Variants in PAWR observed in about 807,000 individuals in gnomAD.
PAWR encodes the protein PRKC apoptosis WT1 regulator protein.
Under a neutral mutation model 32.0 loss-of-function variants are expected in PAWR, and 23 were observed. The observed-to-expected ratio is 0.72, with a 90% CI of 0.52 to 1.02. The LOEUF (loss-of-function observed/expected upper bound fraction) is 1.02, where lower values mean the gene tolerates loss of function less well. Among genes scored for constraint, PAWR ranks in the 50% least tolerant of loss-of-function variants. The pLI is 0.00. For missense variants in PAWR, 457 were observed against 437.7 expected (o/e 1.04, Z -0.39); for synonymous variants, 226 against 187.1 (o/e 1.21, Z -1.70).
chr12:79,689,391 G>GCATAAA (rs1328383046), intron 2 of PAWR, among the ~76,000 whole-genome samples: 1 of 152,098 alleles, frequency 6.6e-6, no homozygotes, highest in Non-Finnish European at 1.5e-5. Flanking sequence ...AACTGATCAA[G>GCATAAA]CATAAACAGC....
intron 2 of PAWR, among the ~76,000 whole-genome samples, chr12:79,627,150 C>T (rs180957759): frequency 0.011 from 1,683 of 152,172 alleles, 41 homozygotes; most frequent in African/African-American, 0.038. Context: ...TTCTAGATCC[C>T]TGAGGAATCG....
In PAWR at chr12:79,589,448, CCA is replaced by C. The variant is rs1873482358; in HGVS notation, c.*3157_*3158del. On this transcript the variant is annotated 3_prime_UTR_variant, in exon 7 of 7. Coordinates refer to ENST00000328827, the MANE Select transcript of PAWR (RefSeq NM_002583.4). ...TCACCTTAAGAATACATTGCTTCTACCACAATTAAAAATTTTTTAAACTGAAG... is the reference window on the plus strand; with the variant it reads ...TCACCTTAAGAATACATTGCTTCTACCAATTAAAAATTTTTTAAACTGAAG... 6.6e-6 allele frequency: 1 copy of C among 151,920 alleles called. No individual in the cohort carries two copies. Among genetic ancestry groups the C allele is most frequent in the South Asian group, 2.1e-4 (1 of 4,830 alleles). 9.4% of individuals were successfully genotyped at this position (151,920 alleles called of 1,614,324 possible). A position where few individuals can be genotyped will look rare whatever the true frequency, so the allele number is the denominator to read the frequency against.
chr12:79,657,650 T>C (rs891769572), intron 2 of PAWR, among the ~76,000 whole-genome samples: 2 of 151,706 alleles, frequency 1.3e-5, no homozygotes, highest in Non-Finnish European at 2.9e-5. Flanking sequence ...AAAAATTAGC[T>C]GGGCGTGGTG....
intron 2 of PAWR, among the ~76,000 whole-genome samples, chr12:79,664,231 A>G (rs1042860493): frequency 6.6e-6 from 1 of 152,184 alleles, no homozygotes; most frequent in Non-Finnish European, 1.5e-5. Context: ...CTAGACCCCA[A>G]CTTTTTTTTA....
intron 2 of PAWR, among the ~76,000 whole-genome samples, chr12:79,637,915 G>T (rs1051664064): frequency 6.6e-6 from 1 of 151,976 alleles, no homozygotes; most frequent in Admixed American, 6.6e-5. Context: ...AAATAGTTGT[G>T]GATATCCCAT....
At chr12:79,643,004 G>A (rs1305544987) in intron 2 of PAWR, among the ~76,000 whole-genome samples, 2 of 152,128 alleles carry the variant, frequency 1.3e-5, no homozygotes, top group African/African-American at 4.8e-5. Flanking sequence ...GCTTAAGACA[G>A]TGTCCTTATT....
chr12:79,610,585 G>A (rs1315867122), intron 4 of PAWR, among the ~76,000 whole-genome samples: 1 of 151,876 alleles, frequency 6.6e-6, no homozygotes, highest in Non-Finnish European at 1.5e-5. Flanking sequence ...ATTATTTAGA[G>A]AACTCAAAAG....
rs542799997 is a variant in PAWR at position 79,625,874 on chromosome 12, G to C, written c.517-4667C>G. Among the ~76,000 whole-genome samples, 32 of 151,334 alleles carry C rather than the reference G, an allele frequency of 2.1e-4. No homozygotes were observed. In the East Asian group the frequency reaches 6.1e-3, roughly 29 times the overall value. ...GGGTGGAAGCAGATTATACACAAAAGTATATAAGAAATATAAAGTATGGGC... is the reference window on the plus strand; with the variant it reads ...GGGTGGAAGCAGATTATACACAAAACTATATAAGAAATATAAAGTATGGGC... On this transcript the variant is annotated intron_variant, in intron 2 of 6. Transcript: ENST00000328827.
Position 79,632,361 on chromosome 12 carries a change from A to ATTTTTTTTTT in PAWR, c.517-11164_517-11155dup, listed in dbSNP as rs755937992. On this transcript the variant is annotated intron_variant, in intron 2 of 6. Coordinates refer to ENST00000328827, the MANE Select transcript of PAWR (RefSeq NM_002583.4). ...TATATATATATATATATATATATAT[A>ATTTTTTTTTT]TTTTTTTTTTTTTTTAGACAGGGTC... is the stretch of plus-strand genomic sequence containing the variant. Among the ~76,000 whole-genome samples the ATTTTTTTTTT allele has an allele frequency of 1.0e-3, 21 of 20,580 alleles. 1 individual carries two copies. The highest frequency in any genetic ancestry group is 6.0e-3 in the African/African-American group (20 of 3,332). 13.5% of individuals were successfully genotyped at this position (20,580 alleles called of 152,430 possible). A position where few individuals can be genotyped will look rare whatever the true frequency, so the allele number is the denominator to read the frequency against.
chr12:79,629,100 G>A (rs1245724204), intron 2 of PAWR, among the ~76,000 whole-genome samples: 1 of 151,876 alleles, frequency 6.6e-6, no homozygotes, highest in Non-Finnish European at 1.5e-5. Flanking sequence ...AAAAAGGAGA[G>A]AACAGATAGG....
chr12:79,593,001 G>A (rs986468869), intron 6 of PAWR, among the ~76,000 whole-genome samples: 1 of 151,516 alleles, frequency 6.6e-6, no homozygotes, highest in African/African-American at 2.4e-5. Flanking sequence ...TAGTTTTTTA[G>A]CTAAACAAAC....
chr12:79,636,339 G>A (rs113681498), intron 2 of PAWR, among the ~76,000 whole-genome samples: 33 of 103,826 alleles, frequency 3.2e-4, no homozygotes, highest in Admixed American at 2.3e-3. Context: ...GTATTAACAC[G>A]TTTAAATGTT....
chr12:79,684,171 G>GA (rs1220448028), intron 2 of PAWR, among the ~76,000 whole-genome samples: 2 of 151,630 alleles, frequency 1.3e-5, no homozygotes, highest in East Asian at 3.9e-4. Context: ...TTTAAAAAAG[G>GA]AAAAAAAGCA....
At chr12:79,646,848 C>A (rs11114203) in intron 2 of PAWR, among the ~76,000 whole-genome samples, 17,790 of 152,102 alleles carry the variant, frequency 0.12, 1,129 homozygotes, top group Non-Finnish European at 0.14. Flanking sequence ...ATTGCTTAGG[C>A]AAGGCAAAGT....
At chr12:79,638,732 C>A (rs1239440617) in intron 2 of PAWR, among the ~76,000 whole-genome samples, 2 of 148,602 alleles carry the variant, frequency 1.3e-5, no homozygotes, top group African/African-American at 2.5e-5. Context: ...GGGTTCATAC[C>A]CAGGGACTCT....
chr12:79,629,235 T>C (rs993828115), intron 2 of PAWR, among the ~76,000 whole-genome samples: 1 of 152,028 alleles, frequency 6.6e-6, no homozygotes, highest in East Asian at 1.9e-4. Flanking sequence ...GACCCAAATA[T>C]ATGCTGTCAA....
chr12:79,678,014 T>C (rs937324956), intron 2 of PAWR, among the ~76,000 whole-genome samples: 2 of 152,198 alleles, frequency 1.3e-5, no homozygotes, highest in Admixed American at 1.3e-4. Context: ...ATTTATTCAT[T>C]ATATAATTAT....
intron 2 of PAWR, among the ~76,000 whole-genome samples, chr12:79,654,055 TAA>T (rs1220822212): frequency 6.6e-6 from 1 of 152,068 alleles, no homozygotes; most frequent in East Asian, 1.9e-4. Flanking sequence ...CAGATCAGCT[TAA>T]AGTCATAAAA....
chr12:79,652,369 A>C (rs1876889644), intron 2 of PAWR, among the ~76,000 whole-genome samples: 2 of 152,244 alleles, frequency 1.3e-5, no homozygotes, highest in East Asian at 3.9e-4. Context: ...TTAATTTACT[A>C]AGTAATACAA....
Sources: gnomAD v4.1 joint callset for allele counts (sites outside exome capture counted in the v4.1 genomes callset) on GRCh38, gnomAD v4.1.1 for gene constraint, MANE v1.5 for transcripts, NCBI Gene and HGNC (gene_info 2026-07-23, HGNC 2026-07-21) for gene names.